NKAIN2: variants seen among roughly 807,000 people sequenced by gnomAD.
The protein encoded by NKAIN2 is sodium/potassium transporting ATPase interacting 2.
A neutral mutation model predicts 32.6 loss-of-function variants in NKAIN2; 14 were observed. The observed-to-expected ratio is 0.43, with a 90% CI of 0.28 to 0.67. NKAIN2 has a LOEUF of 0.67. Ranked by LOEUF, NKAIN2 falls within the 30% of genes least tolerant of loss-of-function variation. The probability of loss-of-function intolerance (pLI) is 0.17; values close to 1 mark genes in which losing one functional copy is unlikely to be tolerated. For synonymous variants in NKAIN2, 80 were observed against 87.2 expected, an observed-to-expected ratio of 0.92 and a Z score of 0.46; for missense variants, 198 against 258.3, an observed-to-expected ratio of 0.77 and a Z score of 1.60.
chr6:124,244,247 C>G (rs927849762), intron 1 of NKAIN2, among the ~76,000 whole-genome samples: 4 of 121,210 alleles, frequency 3.3e-5, no homozygotes, highest in Non-Finnish European at 5.0e-5. Context: ...CCCCTCCCCC[C>G]ACCCCACAAC....
Position 124,210,176 on chromosome 6 carries a change from G to C in NKAIN2, c.55-72829G>C, listed in dbSNP as rs546957709. Among the ~76,000 whole-genome samples the C allele has an allele frequency of 4.6e-5, 7 of 151,786 alleles. No individual in the cohort carries two copies. In the East Asian group the frequency reaches 1.4e-3, roughly 29 times the overall value. On this transcript the variant is annotated intron_variant, in intron 1 of 6. Coordinates refer to ENST00000368417, the MANE Select transcript of NKAIN2 (RefSeq NM_001040214.3). The stretch of plus-strand genomic sequence containing the variant: ...TCATTCTTCTGCATAAGGATATCCA[G>C]TTTTCCTAGCACCATTTGGACTGAA...
At chr6:124,301,166 G>C (rs1796277771) in intron 2 of NKAIN2, among the ~76,000 whole-genome samples, 1 of 152,178 alleles carries the variant, frequency 6.6e-6, no homozygotes, top group Non-Finnish European at 1.5e-5. Flanking sequence ...AGTCACTCTA[G>C]CTGTGGCTAA....
At chr6:124,669,350 C>T (rs1324680751) in intron 4 of NKAIN2, among the ~76,000 whole-genome samples, 1 of 152,056 alleles carries the variant, frequency 6.6e-6, no homozygotes, top group African/African-American at 2.4e-5. Context: ...TCTTTGCTGT[C>T]AGGTAAATTA....
At chr6:124,525,153 T>C (rs970308226) in intron 3 of NKAIN2, among the ~76,000 whole-genome samples, 1 of 152,122 alleles carries the variant, frequency 6.6e-6, no homozygotes, top group Non-Finnish European at 1.5e-5. Flanking sequence ...GGAAAAAAGA[T>C]TTGAAGGGAG....
intron 1 of NKAIN2, among the ~76,000 whole-genome samples, chr6:123,819,922 A>G (rs1773855480): frequency 6.6e-6 from 1 of 152,134 alleles, no homozygotes; most frequent in Admixed American, 6.5e-5. Flanking sequence ...AAAATAGAGG[A>G]ACGAAAAGAG....
intron 4 of NKAIN2, among the ~76,000 whole-genome samples, chr6:124,703,216 C>G (rs1774887052): frequency 2.0e-5 from 3 of 151,778 alleles, no homozygotes. Context: ...ACTGGATTTA[C>G]TCTGGGAATT....
chr6:124,725,766 C>T lies in NKAIN2; in HGVS notation c.475-65573C>T, dbSNP rs147287459. ...CTCCCAGTGTGAGCGACGCAGAAGA[C>T]GGTGATTTCTGCATTTCCATCTGAG... is the stretch of plus-strand genomic sequence containing the variant. On this transcript the variant is annotated intron_variant, in intron 4 of 6. Coordinates refer to ENST00000368417, the MANE Select transcript of NKAIN2 (RefSeq NM_001040214.3). Among the ~76,000 whole-genome samples, 255 of 152,256 alleles carry T rather than the reference C, an allele frequency of 1.7e-3. 5 individuals carry two copies. The East Asian group carries it at 0.045, about 27-fold the overall frequency.
intron 1 of NKAIN2, among the ~76,000 whole-genome samples, chr6:123,848,492 A>C (rs1272195299): frequency 1.3e-5 from 2 of 152,164 alleles, no homozygotes; most frequent in Non-Finnish European, 2.9e-5. Flanking sequence ...TGGTTTTATA[A>C]GGGACTTTTC....
At chr6:123,886,325 T>C (rs1471753790) in intron 1 of NKAIN2, among the ~76,000 whole-genome samples, 1 of 152,080 alleles carries the variant, frequency 6.6e-6, no homozygotes, top group East Asian at 1.9e-4. Flanking sequence ...TAGAGTATTA[T>C]ATTACTTCCA....
chr6:124,071,930 A>T (rs1173262253), intron 1 of NKAIN2, among the ~76,000 whole-genome samples: 1 of 152,182 alleles, frequency 6.6e-6, no homozygotes, highest in Non-Finnish European at 1.5e-5. Flanking sequence ...TTCTCAAAGA[A>T]CTTAAAACAC....
Position 124,801,482 on chromosome 6 carries a change from G to A in NKAIN2, c.535+10083G>A, listed in dbSNP as rs79916482. On this transcript the variant is annotated intron_variant, in intron 5 of 6. Coordinates refer to ENST00000368417, the MANE Select transcript of NKAIN2 (RefSeq NM_001040214.3). Reference sequence around the variant, plus strand: ...GAGGCAGAACTGGGAGCAGAACATCGCTGTCAAGATTCGAAGTATACTTTC... The same window carrying A: ...GAGGCAGAACTGGGAGCAGAACATCACTGTCAAGATTCGAAGTATACTTTC... Among the ~76,000 whole-genome samples, 1,368 of 152,248 alleles carry A rather than the reference G, an allele frequency of 9.0e-3. 21 individuals are homozygous for A. Among genetic ancestry groups the A allele is most frequent in the African/African-American group, 0.032 (1,311 of 41,546 alleles).
Position 124,467,845 on chromosome 6 carries a change from G to C in NKAIN2, c.273+112498G>C, listed in dbSNP as rs552229426. ...ATTATTATAAATTTAATTGATCAAA[G>C]CTCAGGCTGAGCCAACTGAAAAAGA... On this transcript the variant is annotated intron_variant, in intron 3 of 6. Coordinates refer to ENST00000368417, the MANE Select transcript of NKAIN2 (RefSeq NM_001040214.3). Among the ~76,000 whole-genome samples the C allele has an allele frequency of 4.6e-5, 7 of 152,064 alleles. No individual in the cohort carries two copies. In the East Asian group the frequency reaches 9.7e-4, roughly 21 times the overall value.
chr6:124,239,959 G>A (rs1041639376), intron 1 of NKAIN2, among the ~76,000 whole-genome samples: 3 of 152,072 alleles, frequency 2.0e-5, no homozygotes, highest in African/African-American at 7.2e-5. Flanking sequence ...TCCAGGAGCT[G>A]GTTTTTTGAA....
At chr6:124,124,625 A>C (rs991002434) in intron 1 of NKAIN2, among the ~76,000 whole-genome samples, 1 of 152,168 alleles carries the variant, frequency 6.6e-6, no homozygotes, top group Non-Finnish European at 1.5e-5. Context: ...ATCATTTCTC[A>C]CTTTGTGAAC....
At chr6:124,636,817 A>G (rs1273577375) in intron 3 of NKAIN2, among the ~76,000 whole-genome samples, 1 of 152,062 alleles carries the variant, frequency 6.6e-6, no homozygotes, top group African/African-American at 2.4e-5. Flanking sequence ...CAAACTTTTA[A>G]AGAACTAAAA....
chr6:124,247,566 C>T (rs889603056), intron 1 of NKAIN2, among the ~76,000 whole-genome samples: 13 of 152,064 alleles, frequency 8.5e-5, no homozygotes, highest in African/African-American at 2.4e-4. Flanking sequence ...AAGAAAGACT[C>T]TCCTGGAGGT....
chr6:124,523,176 A>ATT (rs1314693559), intron 3 of NKAIN2, among the ~76,000 whole-genome samples: 1 of 151,422 alleles, frequency 6.6e-6, no homozygotes, highest in Non-Finnish European at 1.5e-5. Context: ...CTTTAACTGA[A>ATT]TTTTTTTTCT....
At chr6:123,944,390 C>A (rs1466506020) in intron 1 of NKAIN2, among the ~76,000 whole-genome samples, 2 of 152,092 alleles carry the variant, frequency 1.3e-5, no homozygotes, top group East Asian at 3.9e-4. Context: ...CCTAACCCAG[C>A]TTTCCCCTTG....
At chr6:124,444,153 T>A (rs1298904133) in intron 3 of NKAIN2, among the ~76,000 whole-genome samples, 1 of 152,180 alleles carries the variant, frequency 6.6e-6, no homozygotes, top group African/African-American at 2.4e-5. Context: ...GATAAATTAT[T>A]GATTCGATAG....
Sources: allele counts gnomAD v4.1 joint callset (sites outside exome capture counted in the v4.1 genomes callset), GRCh38; gene constraint gnomAD v4.1.1; transcripts MANE v1.5; gene names NCBI Gene and HGNC (gene_info 2026-07-23, HGNC 2026-07-21).